Variants in CD2AP observed in about 807,000 individuals in gnomAD.
The protein encoded by CD2AP is CD2-associated protein.
In CD2AP, 46 loss-of-function variants were observed where a neutral mutation model predicts 85.1. The ratio of observed to expected loss-of-function variants is 0.54; its 90% CI spans 0.43 to 0.69. The LOEUF is 0.69. CD2AP is among the 30% of genes least tolerant of loss of function. CD2AP has a pLI of 0.00. For synonymous variants in CD2AP, 255 were observed against 252.9 expected, an observed-to-expected ratio of 1.01 and a Z score of -0.08; for missense variants, 769 against 729.5, an observed-to-expected ratio of 1.05 and a Z score of -0.62.
intron 1 of CD2AP, among the ~76,000 whole-genome samples, chr6:47,478,511 G>T (rs1008884394): frequency 1.3e-5 from 2 of 152,130 alleles, no homozygotes; most frequent in African/African-American, 4.8e-5. Context: ...GGTGCGGGAT[G>T]GGGGGCGGGG....
intron 2 of CD2AP, among the ~76,000 whole-genome samples, chr6:47,507,239 G>A (rs929175239): frequency 6.6e-6 from 1 of 152,066 alleles, no homozygotes; most frequent in African/African-American, 2.4e-5. Flanking sequence ...CACATCTACC[G>A]TTAACTTCCC....
intron 5 of CD2AP, among the ~76,000 whole-genome samples, chr6:47,560,731 C>T (rs1383028911): frequency 6.6e-6 from 1 of 152,146 alleles, no homozygotes; most frequent in Non-Finnish European, 1.5e-5. Context: ...TTAGTTACAG[C>T]TGTGCTGCCA....
At chr6:47,481,352 T>G (rs1368668413) in intron 1 of CD2AP, among the ~76,000 whole-genome samples, 2 of 152,082 alleles carry the variant, frequency 1.3e-5, no homozygotes, top group Non-Finnish European at 2.9e-5. Flanking sequence ...TTTTGTTTGT[T>G]TGTTTGTTTT....
chr6:47,622,975 T>G (rs1332621949), intron 17 of CD2AP, among the ~76,000 whole-genome samples: 1 of 152,218 alleles, frequency 6.6e-6, no homozygotes, highest in East Asian at 1.9e-4. Context: ...CTTCTACCAA[T>G]TTGTTTTTCT....
chr6:47,492,565 T>C (rs1412741444), intron 1 of CD2AP, among the ~76,000 whole-genome samples: 1 of 151,996 alleles, frequency 6.6e-6, no homozygotes, highest in Non-Finnish European at 1.5e-5. Flanking sequence ...AGGCTGGCCT[T>C]GAACTCCTGG....
chr6:47,480,849 A>G (rs1171063053), intron 1 of CD2AP, among the ~76,000 whole-genome samples: 5 of 152,236 alleles, frequency 3.3e-5, no homozygotes, highest in Non-Finnish European at 5.9e-5. Context: ...TATGTGATAT[A>G]ACCTTACAGA....
In CD2AP at chr6:47,606,351, T is replaced by G. The variant is rs543044145; in HGVS notation, c.1530+74T>G. 5 of 867,222 alleles carry G rather than the reference T, an allele frequency of 5.8e-6. No individual in the cohort carries two copies. In the East Asian group the frequency reaches 1.2e-4, roughly 22 times the overall value. The allele number at this position is 867,222 out of a possible 1,614,324, so 53.7% of individuals were successfully genotyped here. A position where few individuals can be genotyped will look rare whatever the true frequency, so the allele number is the denominator to read the frequency against. ...AGTCCATTGGAAGATAGAGGACTTA[T>G]AGCTCTACCTAAGTTTGAAAATCAG... is the stretch of plus-strand genomic sequence containing the variant. On this transcript the variant is annotated intron_variant, in intron 14 of 17. Coordinates refer to ENST00000359314, the MANE Select transcript of CD2AP (RefSeq NM_012120.3).
intron 11 of CD2AP, among the ~76,000 whole-genome samples, chr6:47,593,548 A>G (rs371719452): frequency 2.8e-4 from 42 of 152,298 alleles, no homozygotes; most frequent in African/African-American, 9.9e-4. Context: ...GCACTTGACA[A>G]GATGTTTAAT....
chr6:47,537,811 G>A (rs1197820956), intron 3 of CD2AP, among the ~76,000 whole-genome samples: 1 of 142,136 alleles, frequency 7.0e-6, no homozygotes, highest in African/African-American at 2.6e-5. Flanking sequence ...TTTTTTTTTT[G>A]GATACAGAGT....
intron 9 of CD2AP, 88 bp downstream of exon 9, chr6:47,579,577 G>T: frequency 1.2e-6 from 1 of 820,204 alleles, no homozygotes; most frequent in East Asian, 2.6e-5. Context: ...CATTATTATT[G>T]AATAATTTTT....
chr6:47,571,993 T>C (rs1768168981), intron 5 of CD2AP, among the ~76,000 whole-genome samples: 1 of 152,180 alleles, frequency 6.6e-6, no homozygotes, highest in African/African-American at 2.4e-5. Context: ...GGCTGGATAA[T>C]TGTTTGTTTT....
At chr6:47,618,852 T>G (rs2114162395) in intron 17 of CD2AP, among the ~76,000 whole-genome samples, 1 of 152,312 alleles carries the variant, frequency 6.6e-6, no homozygotes, top group East Asian at 1.9e-4. Flanking sequence ...CAAATATATT[T>G]TTTCTTTTGT....
In CD2AP at chr6:47,574,218, C is replaced by T. The variant is rs140627775; in HGVS notation, c.696C>T (p.Ser232=). 0.01 allele frequency: 16,788 copies of T among 1,613,852 alleles called. 138 individuals are homozygous for T. Among genetic ancestry groups the T allele is most frequent in the Middle Eastern group, 0.032 (196 of 6,060 alleles). ...CTGTGAAACTTCGGACAAGAACATCCAGTAGTGAAACAGAAGAGAAAAAAC... is the reference window on the plus strand; with the variant it reads ...CTGTGAAACTTCGGACAAGAACATCTAGTAGTGAAACAGAAGAGAAAAAAC... ...EGSVKLRTRT[S]SSETEEKKPE... Residue 232 remains serine, a synonymous_variant, in exon 6 of 18, where the codon TCC becomes TCT. Transcript: ENST00000359314.
chr6:47,619,804 A>AT (rs1324935033), intron 17 of CD2AP, among the ~76,000 whole-genome samples: 10 of 152,038 alleles, frequency 6.6e-5, no homozygotes, highest in Admixed American at 1.3e-4. Context: ...TTTGATTTAC[A>AT]TTTCCCCGAT....
chr6:47,535,183 G>C (rs1331132738), intron 3 of CD2AP, among the ~76,000 whole-genome samples: 2 of 152,202 alleles, frequency 1.3e-5, no homozygotes, highest in African/African-American at 2.4e-5. Flanking sequence ...GAATGTAGGA[G>C]TTATTACTAT....
At chr6:47,551,755 C>T (rs1387958550) in intron 4 of CD2AP, among the ~76,000 whole-genome samples, 1 of 152,028 alleles carries the variant, frequency 6.6e-6, no homozygotes, top group Non-Finnish European at 1.5e-5. Flanking sequence ...GGTGGGGTGT[C>T]CTGGAATAAT....
At chr6:47,582,204 C>T (rs1768499522) in intron 11 of CD2AP, 139 bp downstream of exon 11, 13 of 651,538 alleles carry the variant, frequency 2.0e-5, no homozygotes, top group South Asian at 1.7e-4. Context: ...TTGGAGTTTT[C>T]TGGGAGGGAG....
chr6:47,545,022 G>A (rs935264685), intron 4 of CD2AP: 2 of 224,892 alleles, frequency 8.9e-6, no homozygotes, highest in Non-Finnish European at 1.7e-5. Flanking sequence ...TGCCTTAGAA[G>A]GAATACAAAG....
intron 2 of CD2AP, among the ~76,000 whole-genome samples, chr6:47,510,472 A>G (rs1766282373): frequency 6.6e-6 from 1 of 152,174 alleles, no homozygotes; most frequent in Non-Finnish European, 1.5e-5. Context: ...TGGTGGCAGA[A>G]AATTAAGTGG....
Sources: allele counts gnomAD v4.1 joint callset (sites outside exome capture counted in the v4.1 genomes callset), GRCh38; gene constraint gnomAD v4.1.1; transcripts MANE v1.5; gene names NCBI Gene and HGNC (gene_info 2026-07-23, HGNC 2026-07-21).